EIF4G3: variants seen among roughly 807,000 people sequenced by gnomAD.
The protein encoded by EIF4G3 is eukaryotic translation initiation factor 4 gamma 3, also known as eIF-4-gamma 3.
A neutral mutation model predicts 186.4 loss-of-function variants in EIF4G3; 34 were observed. That is an observed-to-expected ratio of 0.18 (90% CI 0.14 to 0.24). The LOEUF is 0.24. Ranked by LOEUF, EIF4G3 falls within the 10% of genes least tolerant of loss-of-function variation. The pLI is 1.00. For synonymous variants in EIF4G3, 673 were observed against 679.5 expected (o/e 0.99, Z 0.15); for missense variants, 1,536 against 1,948.5 (o/e 0.79, Z 3.99).
At position 21,050,945 on chromosome 1, in the gene EIF4G3, G is replaced by A; in HGVS notation, c.-146C>T. Reference sequence around the variant, plus strand: ...ATGCCCCTTGTTTATTTCATGTGCTGAATAAGGGGATGGGGTAGGGGTTCC... The same window carrying A: ...ATGCCCCTTGTTTATTTCATGTGCTAAATAAGGGGATGGGGTAGGGGTTCC... On this transcript the variant is annotated 5_prime_UTR_variant, in exon 4 of 37. Coordinates refer to ENST00000602326, the MANE Select transcript of EIF4G3 (RefSeq NM_001391906.1). 1 of 717,060 alleles carries A rather than the reference G, an allele frequency of 1.4e-6. No individual in the cohort carries two copies. The highest frequency in any genetic ancestry group is 2.6e-6 in the Non-Finnish European group (1 of 384,966). The allele number at this position is 717,060 out of a possible 1,614,324, so 44.4% of individuals were successfully genotyped here. A position where few individuals can be genotyped will look rare whatever the true frequency, so the allele number is the denominator to read the frequency against.
intron 2 of EIF4G3, among the ~76,000 whole-genome samples, chr1:21,094,281 G>A (rs780047256): frequency 2.0e-5 from 3 of 151,708 alleles, no homozygotes; most frequent in Non-Finnish European, 4.4e-5. Flanking sequence ...TATACCCAAA[G>A]GATTATAAAT....
chr1:20,849,598 T>A, intron 28 of EIF4G3, 68 bp from the exon 29 acceptor site: 1 of 672,708 alleles, frequency 1.5e-6, no homozygotes. Flanking sequence ...GAGATTATGG[T>A]TGACAATATT....
chr1:20,855,110 T>C, intron 25 of EIF4G3, 39 bp from the exon 26 acceptor site: 4 of 1,442,744 alleles, frequency 2.8e-6, no homozygotes, highest in Non-Finnish European at 2.9e-6. Context: ...ATAGGAAATA[T>C]TCTAGAAGAA....
chr1:20,955,846 G>T (rs1005881086), intron 12 of EIF4G3, among the ~76,000 whole-genome samples: 8 of 152,106 alleles, frequency 5.3e-5, no homozygotes, highest in Admixed American at 2.0e-4. Context: ...GAGACATAAG[G>T]TTTGGAAGTC....
chr1:20,888,361 A>T (rs775171027), intron 18 of EIF4G3, among the ~76,000 whole-genome samples: 1 of 152,202 alleles, frequency 6.6e-6, no homozygotes, highest in South Asian at 2.1e-4. Flanking sequence ...CCAAGAAAAA[A>T]TTTTAAATTA....
intron 14 of EIF4G3, among the ~76,000 whole-genome samples, chr1:20,907,851 C>G (rs925723208): frequency 1.3e-5 from 2 of 152,144 alleles, no homozygotes; most frequent in African/African-American, 2.4e-5. Context: ...CTGCTATAAA[C>G]ATACATGTGC....
chr1:21,006,440 T>A (rs549844078), intron 4 of EIF4G3, among the ~76,000 whole-genome samples: 1 of 152,326 alleles, frequency 6.6e-6, no homozygotes, highest in African/African-American at 2.4e-5. Flanking sequence ...TTCAAGGACA[T>A]ATGGGTGAAC....
chr1:20,856,407 G>A (rs1305502593), intron 25 of EIF4G3, among the ~76,000 whole-genome samples: 1 of 152,132 alleles, frequency 6.6e-6, no homozygotes, highest in Admixed American at 6.6e-5. Context: ...GGAAGTATAA[G>A]GATCAAACTA....
intron 7 of EIF4G3, among the ~76,000 whole-genome samples, chr1:20,990,135 C>T (rs938986134): frequency 6.6e-6 from 1 of 152,174 alleles, no homozygotes; most frequent in Non-Finnish European, 1.5e-5. Flanking sequence ...GATTATGCCA[C>T]TCCACTCCAG....
chr1:21,003,196 C>T (rs2084052858), intron 4 of EIF4G3, among the ~76,000 whole-genome samples: 1 of 137,872 alleles, frequency 7.3e-6, no homozygotes, highest in Non-Finnish European at 1.5e-5. Context: ...TTTTCAGAGA[C>T]AGGGTCTCAC....
At chr1:20,967,397 A>G (rs1336853194) in intron 12 of EIF4G3, among the ~76,000 whole-genome samples, 1 of 152,210 alleles carries the variant, frequency 6.6e-6, no homozygotes, top group Non-Finnish European at 1.5e-5. Context: ...CTAACAGAGC[A>G]CATATATAGA....
chr1:20,922,936 GAAC>G (rs2094582215), intron 14 of EIF4G3, among the ~76,000 whole-genome samples: 1 of 152,092 alleles, frequency 6.6e-6, no homozygotes, highest in Non-Finnish European at 1.5e-5. Context: ...TGTCTCTCTA[GAAC>G]AACAATACTG....
chr1:21,155,495 C>T (rs1486294883), intron 2 of EIF4G3, among the ~76,000 whole-genome samples: 1 of 151,972 alleles, frequency 6.6e-6, no homozygotes, highest in Non-Finnish European at 1.5e-5. Flanking sequence ...GCCCAGAACC[C>T]CAACAGCAGC....
chr1:21,148,144 C>G (rs1199369171), intron 2 of EIF4G3, among the ~76,000 whole-genome samples: 1 of 152,218 alleles, frequency 6.6e-6, no homozygotes, highest in Non-Finnish European at 1.5e-5. Flanking sequence ...TCATAATTCA[C>G]TGCAGCCTCA....
At position 20,892,247 on chromosome 1, in the gene EIF4G3, CCCAAG is replaced by C. The variant is rs1197004860; in HGVS notation, c.2253+1265_2253+1269del. On this transcript the variant is annotated intron_variant, in intron 18 of 36. Coordinates refer to ENST00000602326, the MANE Select transcript of EIF4G3 (RefSeq NM_001391906.1). ...GGTTATCTGCAAATGTACATCAAAC[CCCAAG>C]CTCCTCCAAAATGTTAGATTTATTG... Among the ~76,000 whole-genome samples, 36 of 152,270 alleles carry C rather than the reference CCCAAG, an allele frequency of 2.4e-4. No individual in the cohort carries two copies. The East Asian group carries it at 6.9e-3, about 29-fold the overall frequency.
intron 15 of EIF4G3, among the ~76,000 whole-genome samples, chr1:20,902,315 G>A (rs1572457166): frequency 6.6e-6 from 1 of 152,104 alleles, no homozygotes; most frequent in African/African-American, 2.4e-5. Flanking sequence ...GCCCTTCTTG[G>A]CCTCCCAAAG....
Position 20,862,277 on chromosome 1 carries a change from G to A in EIF4G3, c.3062C>T (p.Thr1021Ile), listed in dbSNP as rs751236068. 7 of 1,612,712 alleles carry A rather than the reference G, an allele frequency of 4.3e-6. No individual in the cohort carries two copies. The highest frequency in any genetic ancestry group is 1.3e-5 in the African/African-American group (1 of 74,816). ...AAGCATGAACCGAATCCTAGATGAG[G>A]TTTTTCTTTCTTTCACAATTTTCTC... is the stretch of plus-strand genomic sequence containing the variant. ...QMEKIVKERKTSSRIRFMLQD... is the reference protein window; with the variant it reads ...QMEKIVKERKISSRIRFMLQD... Residue 1021 changes from threonine (T) to isoleucine (I), a missense_variant, in exon 23 of 37, where the codon ACC becomes ATC. Transcript: ENST00000602326.
chr1:21,030,575 T>G (rs1047522887), intron 4 of EIF4G3, among the ~76,000 whole-genome samples: 1 of 152,090 alleles, frequency 6.6e-6, no homozygotes, highest in South Asian at 2.1e-4. Flanking sequence ...ACCCTGAAAA[T>G]GGACTAATAC....
At chr1:21,148,412 C>T (rs1241511982) in intron 2 of EIF4G3, among the ~76,000 whole-genome samples, 1 of 151,182 alleles carries the variant, frequency 6.6e-6, no homozygotes, top group African/African-American at 2.4e-5. Context: ...ACTTAAAAAT[C>T]GAGTAAACAG....
Sources: allele counts gnomAD v4.1 joint callset (sites outside exome capture counted in the v4.1 genomes callset), GRCh38; gene constraint gnomAD v4.1.1; transcripts MANE v1.5; gene names NCBI Gene and HGNC (gene_info 2026-07-23, HGNC 2026-07-21).